Variants in METTL15 observed in about 807,000 individuals in gnomAD.
METTL15 encodes methyltransferase 15, mitochondrial 12S rRNA N4-cytidine.
A neutral mutation model predicts 38.3 loss-of-function variants in METTL15; 34 were observed. That is an observed-to-expected ratio of 0.89 (90% CI 0.68 to 1.18). The LOEUF is 1.18. Among genes scored for constraint, METTL15 ranks in the 50% most tolerant of loss-of-function variants. METTL15 has a pLI of 0.00. For missense variants in METTL15, 438 were observed against 498.4 expected, an observed-to-expected ratio of 0.88 and a Z score of 1.15; for synonymous variants, 162 against 170.9, an observed-to-expected ratio of 0.95 and a Z score of 0.41.
chr11:28,489,111 G>A (rs1851472096), intron 6 of METTL15, among the ~76,000 whole-genome samples: 1 of 152,100 alleles, frequency 6.6e-6, no homozygotes, highest in Non-Finnish European at 1.5e-5. Context: ...GGTGAGATGT[G>A]TGTCACAAAA....
intron 5 of METTL15, among the ~76,000 whole-genome samples, chr11:28,422,916 A>G (rs1850833184): frequency 6.6e-6 from 1 of 152,032 alleles, no homozygotes; most frequent in Non-Finnish European, 1.5e-5. Context: ...AACAGCCCAT[A>G]GAATGGGAGA....
intron 6 of METTL15, among the ~76,000 whole-genome samples, chr11:28,463,858 C>G (rs1182023051): frequency 1.3e-5 from 2 of 152,004 alleles, no homozygotes; most frequent in Non-Finnish European, 2.9e-5. Flanking sequence ...AATGTCATAG[C>G]AGGGGAAAAG....
intron 3 of METTL15, chr11:28,197,500 G>T: frequency 4.4e-6 from 2 of 452,018 alleles, no homozygotes; most frequent in Non-Finnish European, 4.6e-6. Context: ...TGTGGACTAG[G>T]ATGGTGTATT....
chr11:28,489,569 T>C (rs914174035), intron 6 of METTL15, among the ~76,000 whole-genome samples: 1 of 151,996 alleles, frequency 6.6e-6, no homozygotes, highest in Non-Finnish European at 1.5e-5. Context: ...GAACAAGCCA[T>C]GTGCCTTAGA....
At chr11:28,159,951 T>C (rs1480478666) in intron 3 of METTL15, among the ~76,000 whole-genome samples, 1 of 152,120 alleles carries the variant, frequency 6.6e-6, no homozygotes, top group East Asian at 1.9e-4. Context: ...ATCCTAGTTA[T>C]GTCTATGAGA....
chr11:28,156,130 C>G (rs1203647701), intron 3 of METTL15, among the ~76,000 whole-genome samples: 2 of 151,968 alleles, frequency 1.3e-5, no homozygotes, highest in African/African-American at 4.8e-5. Flanking sequence ...TACTTTAGAG[C>G]CTAAAATATA....
chr11:28,297,592 G>A (rs372428820), intron 6 of METTL15, among the ~76,000 whole-genome samples: 2 of 152,044 alleles, frequency 1.3e-5, no homozygotes, highest in African/African-American at 2.4e-5. Flanking sequence ...GCTAGGAGGC[G>A]CTTTATTATA....
chr11:28,223,112 A>T (rs1053274275), intron 4 of METTL15, among the ~76,000 whole-genome samples: 1 of 152,164 alleles, frequency 6.6e-6, no homozygotes, highest in Non-Finnish European at 1.5e-5. Flanking sequence ...TTTCCATCTA[A>T]GTAAAAGAAT....
At chr11:28,169,765 C>A (rs1186311715) in intron 3 of METTL15, among the ~76,000 whole-genome samples, 1 of 151,548 alleles carries the variant, frequency 6.6e-6, no homozygotes, top group Non-Finnish European at 1.5e-5. Flanking sequence ...TTAATATAAG[C>A]CTTTCTTTCA....
At chr11:28,508,712 G>A (rs1851650107) in intron 6 of METTL15, among the ~76,000 whole-genome samples, 1 of 152,076 alleles carries the variant, frequency 6.6e-6, no homozygotes, top group Non-Finnish European at 1.5e-5. Context: ...GTTTAATTCT[G>A]TATAATCATC....
chr11:28,314,325 A>C (rs34140872), intron 6 of METTL15, among the ~76,000 whole-genome samples: 37,814 of 152,082 alleles, frequency 0.25, 4,923 homozygotes, highest in African/African-American at 0.29. Context: ...GAAGGCATGC[A>C]ACTTTATCTT....
intron 5 of METTL15, 42 bp from the exon 6 acceptor site, chr11:28,296,711 A>G: frequency 6.2e-7 from 1 of 1,601,498 alleles, no homozygotes; most frequent in Non-Finnish European, 8.5e-7. Context: ...CTTGTCAATG[A>G]GAACTGATGT....
intron 3 of METTL15, among the ~76,000 whole-genome samples, chr11:28,177,524 A>G (rs938092619): frequency 2.0e-5 from 3 of 152,008 alleles, no homozygotes; most frequent in African/African-American, 4.8e-5. Flanking sequence ...AAATATGGCA[A>G]TGTAGGCCCA....
intron 6 of METTL15, among the ~76,000 whole-genome samples, chr11:28,299,330 A>G (rs1420476041): frequency 2.6e-5 from 4 of 152,030 alleles, no homozygotes; most frequent in African/African-American, 9.7e-5. Context: ...TTAGTCTTTT[A>G]TAATTGCCTC....
chr11:28,399,527 A>G (rs529151850), intron 5 of METTL15, among the ~76,000 whole-genome samples: 1 of 152,080 alleles, frequency 6.6e-6, no homozygotes, highest in South Asian at 2.1e-4. Flanking sequence ...GGATTTTTAA[A>G]CAATCATTTA....
At chr11:28,314,970 T>C (rs922583364) in intron 6 of METTL15, among the ~76,000 whole-genome samples, 7 of 152,232 alleles carry the variant, frequency 4.6e-5, no homozygotes, top group Non-Finnish European at 1.0e-4. Flanking sequence ...CATGTGGAAC[T>C]GTAAGTCCAA....
intron 3 of METTL15, among the ~76,000 whole-genome samples, chr11:28,199,081 G>T: frequency 6.6e-6 from 1 of 150,782 alleles, no homozygotes; most frequent in East Asian, 1.9e-4. Flanking sequence ...TCCCTCTGTT[G>T]TCAAATATTT....
intron 6 of METTL15, among the ~76,000 whole-genome samples, chr11:28,443,915 A>G (rs1005375426): frequency 3.9e-5 from 6 of 152,190 alleles, no homozygotes; most frequent in Non-Finnish European, 8.8e-5. Context: ...GGTAGACACA[A>G]TCTTTTAAAA....
chr11:28,366,694 G>A (rs1056990093), intron 5 of METTL15, among the ~76,000 whole-genome samples: 2 of 152,114 alleles, frequency 1.3e-5, no homozygotes, highest in Admixed American at 6.5e-5. Context: ...TATCATTTGA[G>A]GCTATATAAA....
Sources: gnomAD v4.1 joint callset for allele counts (sites outside exome capture counted in the v4.1 genomes callset) on GRCh38, gnomAD v4.1.1 for gene constraint, MANE v1.5 for transcripts, NCBI Gene and HGNC (gene_info 2026-07-23, HGNC 2026-07-21) for gene names.